HS6ST3: variants seen among roughly 807,000 people sequenced by gnomAD.
The protein encoded by HS6ST3 is heparan-sulfate 6-O-sulfotransferase 3.
A neutral mutation model predicts 36.7 loss-of-function variants in HS6ST3; 12 were observed. That is an observed-to-expected ratio of 0.33 (90% confidence interval 0.21 to 0.53). The LOEUF is 0.53. Among genes scored for constraint, HS6ST3 ranks in the 20% least tolerant of loss-of-function variants. The probability of loss-of-function intolerance (pLI) is 0.95; values close to 1 mark genes in which losing one functional copy is unlikely to be tolerated. For missense variants in HS6ST3, 584 were observed against 640.9 expected (o/e 0.91, Z 0.96); for synonymous variants, 240 against 257.5 (o/e 0.93, Z 0.65).
At chr13:96,801,816 G>C (rs1419329045) in intron 1 of HS6ST3, among the ~76,000 whole-genome samples, 2 of 152,096 alleles carry the variant, frequency 1.3e-5, no homozygotes, top group Non-Finnish European at 1.5e-5. Flanking sequence ...GGATTTGTGA[G>C]AATGTCTTGG....
chr13:96,753,314 T>C (rs1876743535), intron 1 of HS6ST3, among the ~76,000 whole-genome samples: 1 of 152,198 alleles, frequency 6.6e-6, no homozygotes, highest in African/African-American at 2.4e-5. Context: ...TGGAAAGAAT[T>C]ATACCTTTTA....
chr13:96,217,893 T>G (rs2054435167), intron 1 of HS6ST3, among the ~76,000 whole-genome samples: 1 of 152,090 alleles, frequency 6.6e-6, no homozygotes, highest in Non-Finnish European at 1.5e-5. Flanking sequence ...GATGGATAGA[T>G]AGATAGATAG....
At chr13:96,297,174 AT>A (rs1033046546) in intron 1 of HS6ST3, among the ~76,000 whole-genome samples, 21 of 151,922 alleles carry the variant, frequency 1.4e-4, no homozygotes, top group African/African-American at 2.2e-4. Flanking sequence ...ATTTCAAACT[AT>A]TTTTTTTCCT....
At chr13:96,653,525 C>T (rs538300960) in intron 1 of HS6ST3, among the ~76,000 whole-genome samples, 1 of 152,132 alleles carries the variant, frequency 6.6e-6, no homozygotes, top group African/African-American at 2.4e-5. Context: ...CATGTCCCTG[C>T]AAAGGACATG....
At position 96,106,216 on chromosome 13, in the gene HS6ST3, C is replaced by T. The variant is rs918465705; in HGVS notation, c.707+14647C>T. Among the ~76,000 whole-genome samples, 4 of 152,252 alleles carry T rather than the reference C, an allele frequency of 2.6e-5. No homozygotes were observed. In the South Asian group the frequency reaches 8.3e-4, roughly 31 times the overall value. On this transcript the variant is annotated intron_variant, in intron 1 of 1. Coordinates refer to ENST00000376705, the MANE Select transcript of HS6ST3 (RefSeq NM_153456.4). Reference sequence around the variant, plus strand: ...TGAAGATGTGAAGCTTAATGCATCCCTTCATGCCCTGTATTGGCTTTAATG... The same window carrying T: ...TGAAGATGTGAAGCTTAATGCATCCTTTCATGCCCTGTATTGGCTTTAATG...
chr13:96,669,882 A>T (rs993259097), intron 1 of HS6ST3, among the ~76,000 whole-genome samples: 2 of 152,118 alleles, frequency 1.3e-5, no homozygotes, highest in African/African-American at 4.8e-5. Flanking sequence ...GTTTTGAGGA[A>T]GAAGAGGAAA....
At chr13:96,353,947 A>C (rs2055197325) in intron 1 of HS6ST3, among the ~76,000 whole-genome samples, 1 of 152,220 alleles carries the variant, frequency 6.6e-6, no homozygotes, top group Non-Finnish European at 1.5e-5. Flanking sequence ...ATAGGGGAAG[A>C]GGTAACTGTC....
intron 1 of HS6ST3, among the ~76,000 whole-genome samples, chr13:96,546,611 C>T (rs75017315): frequency 0.01 from 1,523 of 152,214 alleles, 18 homozygotes; most frequent in Non-Finnish European, 0.015. Flanking sequence ...AAATTCACTC[C>T]TGTTTTTATG....
chr13:96,482,177 A>G (rs1447203291), intron 1 of HS6ST3, among the ~76,000 whole-genome samples: 1 of 152,162 alleles, frequency 6.6e-6, no homozygotes, highest in East Asian at 1.9e-4. Flanking sequence ...AATAACCCAG[A>G]GAGTTACCTG....
At chr13:96,328,339 T>G (rs1347081076) in intron 1 of HS6ST3, among the ~76,000 whole-genome samples, 2 of 151,088 alleles carry the variant, frequency 1.3e-5, no homozygotes, top group Non-Finnish European at 3.0e-5. Context: ...GCTCTTATTA[T>G]TTTGAAATAC....
At chr13:96,283,749 G>A (rs2054786768) in intron 1 of HS6ST3, among the ~76,000 whole-genome samples, 1 of 151,944 alleles carries the variant, frequency 6.6e-6, no homozygotes, top group African/African-American at 2.4e-5. Flanking sequence ...CCTCCTTATG[G>A]GACAGTGCTT....
At chr13:96,796,417 T>A (rs1468227685) in intron 1 of HS6ST3, among the ~76,000 whole-genome samples, 4 of 152,074 alleles carry the variant, frequency 2.6e-5, no homozygotes, top group African/African-American at 9.7e-5. Context: ...CATGTAGACT[T>A]CTAAAGCAAG....
At chr13:96,751,010 G>A (rs954773847) in intron 1 of HS6ST3, among the ~76,000 whole-genome samples, 2 of 151,898 alleles carry the variant, frequency 1.3e-5, no homozygotes, top group Admixed American at 6.6e-5. Context: ...CTCTTTTCAG[G>A]CATCTATCTA....
chr13:96,640,545 G>A (rs1179603422), intron 1 of HS6ST3, among the ~76,000 whole-genome samples: 1 of 151,736 alleles, frequency 6.6e-6, no homozygotes, highest in African/African-American at 2.4e-5. Flanking sequence ...ATTTTGCTGT[G>A]CAGCTCTTTG....
Position 96,795,852 on chromosome 13 carries a change from T to G in HS6ST3, c.708-36638T>G, listed in dbSNP as rs200689042. ...CAATTTCTGCCAAGTGGCAAGGAACTGAACTTCCTAGAGGGGCTGCTGCTG... is the reference window on the plus strand; with the variant it reads ...CAATTTCTGCCAAGTGGCAAGGAACGGAACTTCCTAGAGGGGCTGCTGCTG... On this transcript the variant is annotated intron_variant, in intron 1 of 1. Coordinates refer to ENST00000376705, the MANE Select transcript of HS6ST3 (RefSeq NM_153456.4). Among the ~76,000 whole-genome samples, 4 of 152,252 alleles carry G rather than the reference T, an allele frequency of 2.6e-5. No individual in the cohort carries two copies. In the East Asian group the frequency reaches 7.7e-4, roughly 29 times the overall value.
chr13:96,200,127 G>A (rs2054333968), intron 1 of HS6ST3, among the ~76,000 whole-genome samples: 1 of 152,138 alleles, frequency 6.6e-6, no homozygotes, highest in Admixed American at 6.5e-5. Context: ...AGATCATTCA[G>A]CTGTGTGCCC....
chr13:96,467,355 G>A (rs561665855), intron 1 of HS6ST3, among the ~76,000 whole-genome samples: 2 of 152,232 alleles, frequency 1.3e-5, no homozygotes, highest in South Asian at 2.1e-4. Context: ...CCTGAGTCCC[G>A]TTTCTCTTTA....
At chr13:96,744,491 T>C (rs1234743507) in intron 1 of HS6ST3, among the ~76,000 whole-genome samples, 1 of 152,074 alleles carries the variant, frequency 6.6e-6, no homozygotes, top group Admixed American at 6.6e-5. Context: ...ACGAACAGGC[T>C]TTCCATTTGC....
intron 1 of HS6ST3, among the ~76,000 whole-genome samples, chr13:96,440,360 C>T (rs545005374): frequency 1.3e-5 from 2 of 151,412 alleles, no homozygotes; most frequent in South Asian, 4.2e-4. Context: ...GCATGAGAAT[C>T]GCTTGAACCC....
Sources: allele counts gnomAD v4.1 joint callset (sites outside exome capture counted in the v4.1 genomes callset), GRCh38; gene constraint gnomAD v4.1.1; transcripts MANE v1.5; gene names NCBI Gene and HGNC (gene_info 2026-07-23, HGNC 2026-07-21).